Variants in ATG4B observed in about 807,000 individuals in gnomAD.
ATG4B encodes cysteine protease ATG4B.
ATG4B carries 29 observed loss-of-function variants against 56.6 expected under a neutral mutation model. That is an observed-to-expected ratio of 0.51 (90% CI 0.38 to 0.70). The LOEUF is 0.70. Ranked by LOEUF, ATG4B falls within the 30% of genes least tolerant of loss-of-function variation. The probability of loss-of-function intolerance (pLI) is 0.00; values close to 1 mark genes in which losing one functional copy is unlikely to be tolerated. For synonymous variants in ATG4B, 224 were observed against 206.1 expected, an observed-to-expected ratio of 1.09 and a Z score of -0.74; for missense variants, 461 against 515.5, an observed-to-expected ratio of 0.89 and a Z score of 1.02.
At chr2:241,642,872 CTT>C (rs1165718825) in intron 1 of ATG4B, among the ~76,000 whole-genome samples, 1 of 104,256 alleles carries the variant, frequency 9.6e-6, no homozygotes, top group Non-Finnish European at 1.8e-5. Flanking sequence ...CCTCTCCGTC[CTT>C]TTTTTTTTTT....
chr2:241,669,040 ACCC>A (rs2068873580), intron 10 of ATG4B, among the ~76,000 whole-genome samples: 1 of 106,828 alleles, frequency 9.4e-6, no homozygotes, highest in African/African-American at 3.1e-5. Context: ...CCCTCCACCC[ACCC>A]CTGCACCACC....
chr2:241,648,760 G>A (rs1006990280), intron 1 of ATG4B, among the ~76,000 whole-genome samples: 3 of 152,200 alleles, frequency 2.0e-5, no homozygotes, highest in Non-Finnish European at 4.4e-5. Flanking sequence ...GTCTCCCACA[G>A]CTGAGAATCC....
At chr2:241,647,097 G>T (rs921494503) in intron 1 of ATG4B, among the ~76,000 whole-genome samples, 3 of 151,866 alleles carry the variant, frequency 2.0e-5, no homozygotes, top group African/African-American at 7.2e-5. Flanking sequence ...GTGCATTTTT[G>T]ACCTAAGTAT....
chr2:241,647,047 G>A (rs1469973979), intron 1 of ATG4B, among the ~76,000 whole-genome samples: 2 of 151,984 alleles, frequency 1.3e-5, no homozygotes, highest in African/African-American at 4.8e-5. Context: ...GCCTCCCCAA[G>A]TGCTGGGATT....
intron 12 of ATG4B, 84 bp from the exon 13 acceptor site, chr2:241,672,107 A>G: frequency 1.3e-6 from 2 of 1,531,532 alleles, no homozygotes; most frequent in South Asian, 1.2e-5. Flanking sequence ...GGCACTGCTC[A>G]GTCTGCCCCA....
intron 1 of ATG4B, among the ~76,000 whole-genome samples, chr2:241,638,052 G>T (rs967271019): frequency 1.3e-5 from 2 of 151,794 alleles, no homozygotes; most frequent in African/African-American, 4.8e-5. Flanking sequence ...GGCGGAGCCT[G>T]CCGGGCGGGG....
At chr2:241,653,443 C>A (rs1575069289) in intron 3 of ATG4B, 69 bp from the exon 4 acceptor site, 1 of 1,551,350 alleles carries the variant, frequency 6.4e-7, no homozygotes, top group Non-Finnish European at 8.7e-7. Flanking sequence ...CGGCTGCCTC[C>A]TGCCAGTGGG....
intron 7 of ATG4B, among the ~76,000 whole-genome samples, chr2:241,660,285 C>T (rs2068551224): frequency 1.3e-5 from 2 of 152,230 alleles, no homozygotes; most frequent in Admixed American, 1.3e-4. Flanking sequence ...GTGGGTGTGC[C>T]AGGTCACCAC....
chr2:241,654,674 C>G, intron 5 of ATG4B, 27 bp downstream of exon 5: 1 of 1,553,958 alleles, frequency 6.4e-7, no homozygotes, highest in Non-Finnish European at 8.7e-7. Context: ...TGTGCCAGGC[C>G]CCACCCGGGC....
At chr2:241,637,834 G>A in intron 1 of ATG4B, 110 bp downstream of exon 1, 2 of 1,167,302 alleles carry the variant, frequency 1.7e-6, no homozygotes, top group Non-Finnish European at 1.1e-6. Context: ...GCCGGTGCGG[G>A]CCAGGCTGGG....
At chr2:241,647,005 A>G (rs2068080484) in intron 1 of ATG4B, among the ~76,000 whole-genome samples, 2 of 152,002 alleles carry the variant, frequency 1.3e-5, no homozygotes, top group Non-Finnish European at 2.9e-5. Context: ...GCTGGTCTCC[A>G]ACTCCTGACC....
chr2:241,653,407 G>A lies in ATG4B; in HGVS notation c.185-105G>A, dbSNP rs182045073. Reference sequence around the variant, plus strand: ...CCAGGTGGAGCTGATGGAGGAGGGAGTCGGTGCCTGTGGTGTGGGACTGAC... The same window carrying A: ...CCAGGTGGAGCTGATGGAGGAGGGAATCGGTGCCTGTGGTGTGGGACTGAC... On this transcript the variant is annotated intron_variant, in intron 3 of 12. Transcript: ENST00000404914. 11 of 1,551,312 alleles carry A rather than the reference G, an allele frequency of 7.1e-6. No individual in the cohort carries two copies. The African/African-American group carries it at 1.1e-4, about 15-fold the overall frequency.
intron 10 of ATG4B, among the ~76,000 whole-genome samples, chr2:241,670,245 C>G (rs62190307): frequency 0.2 from 29,999 of 151,860 alleles, 3,291 homozygotes; most frequent in East Asian, 0.28. Context: ...GACCCTTGGC[C>G]GGTCCCCTGT....
intron 1 of ATG4B, 139 bp downstream of exon 1, chr2:241,637,863 C>T (rs2067719453): frequency 7.7e-6 from 3 of 391,326 alleles, no homozygotes; most frequent in South Asian, 1.1e-4. Context: ...GCGGGCGCTG[C>T]GGGAGCGCGG....
chr2:241,668,767 CG>C lies in ATG4B; in HGVS notation c.957+83del. 1.4e-6 allele frequency: 2 copies of C among 1,442,372 alleles called. No homozygotes were observed. The highest frequency in any genetic ancestry group is 1.3e-5 in the South Asian group (1 of 75,184). 89.3% of individuals were successfully genotyped at this position (1,442,372 alleles called of 1,614,324 possible). On this transcript the variant is annotated intron_variant, in intron 10 of 12. Transcript: ENST00000404914. This position sits in a 1 kb window ranked among gnomAD's most constrained non-coding sequence, Gnocchi z 4.2. ...GACGAGGAAAACTTTCGGATTTTTG[CG>C]TTTTTTTTTTCAGCATGTTGGGATA... is the stretch of plus-strand genomic sequence containing the variant.
rs1344691440 is a variant in ATG4B at position 241,673,469 on chromosome 2, T to C, written c.*1205T>C. 1 of 413,498 alleles carries C rather than the reference T, an allele frequency of 2.4e-6. No individual in the cohort carries two copies. The highest frequency in any genetic ancestry group is 5.0e-6 in the Non-Finnish European group (1 of 201,880). 25.6% of individuals were successfully genotyped at this position (413,498 alleles called of 1,614,324 possible). A position where few individuals can be genotyped will look rare whatever the true frequency, so the allele number is the denominator to read the frequency against. On this transcript the variant is annotated 3_prime_UTR_variant, in exon 13 of 13. Coordinates refer to ENST00000404914, the MANE Select transcript of ATG4B (RefSeq NM_013325.5). ...CGTTGGCAGGACTCGCTGCTGCTGCTGCTGCTTGTGTAGGTCGGGGAGCCA... is the reference window on the plus strand; with the variant it reads ...CGTTGGCAGGACTCGCTGCTGCTGCCGCTGCTTGTGTAGGTCGGGGAGCCA...
intron 12 of ATG4B, 44 bp downstream of exon 12, chr2:241,671,449 C>CTGTG: frequency 6.2e-7 from 1 of 1,605,454 alleles, no homozygotes; most frequent in Non-Finnish European, 8.5e-7. Context: ...GAGGTACGAT[C>CTGTG]TGTGCCCTTG....
intron 12 of ATG4B, chr2:241,671,936 G>A (rs1372411790): frequency 2.9e-6 from 4 of 1,387,636 alleles, no homozygotes; most frequent in Non-Finnish European, 3.7e-6. Context: ...TCAGACGCGG[G>A]ACAGAGGCCC....
rs1446037221 is a variant in ATG4B at position 241,655,363 on chromosome 2, T to C, written c.458+20T>C. The C allele has an allele frequency of 2.5e-6, 4 of 1,596,788 alleles. No homozygotes were observed. Among genetic ancestry groups the C allele is most frequent in the Non-Finnish European group, 3.4e-6 (4 of 1,171,364 alleles). Reference sequence around the variant, plus strand: ...CCTGAAGTATGTACTGCGCTTCCACTGCTGAGCATGGGGCAGCAGGGATGT... The same window carrying C: ...CCTGAAGTATGTACTGCGCTTCCACCGCTGAGCATGGGGCAGCAGGGATGT... On this transcript the variant is annotated intron_variant, in intron 6 of 12. Coordinates refer to ENST00000404914, the MANE Select transcript of ATG4B (RefSeq NM_013325.5).
Sources: gnomAD v4.1 joint callset for allele counts (sites outside exome capture counted in the v4.1 genomes callset) on GRCh38, gnomAD v4.1.1 for gene constraint, Gnocchi (gnomAD v3.1) non-coding constraint, MANE v1.5 for transcripts, NCBI Gene and HGNC (gene_info 2026-07-23, HGNC 2026-07-21) for gene names.